Variants in VTI1A observed in about 807,000 individuals in gnomAD.
VTI1A encodes the protein vesicle transport through interaction with t-SNAREs 1A.
VTI1A carries 22 observed loss-of-function variants against 34.9 expected under a neutral mutation model. The ratio of observed to expected loss-of-function variants is 0.63; its 90% CI spans 0.45 to 0.90. VTI1A has a LOEUF of 0.90. VTI1A is among the 40% of genes least tolerant of loss of function. VTI1A has a pLI of 0.00. For missense variants in VTI1A, 268 were observed against 275.6 expected, an observed-to-expected ratio of 0.97 and a Z score of 0.20; for synonymous variants, 87 against 97.3, an observed-to-expected ratio of 0.89 and a Z score of 0.62.
chr10:112,561,322 T>G (rs1167917701), intron 5 of VTI1A, among the ~76,000 whole-genome samples: 1 of 152,184 alleles, frequency 6.6e-6, no homozygotes, highest in Admixed American at 6.5e-5. Context: ...TTGGTAATTG[T>G]TTTTAGGCTA....
Position 112,818,394 on chromosome 10 carries a change from G to A in VTI1A, c.*3011G>A, listed in dbSNP as rs979675570. The A allele has an allele frequency of 4.3e-6, 1 of 232,216 alleles. No individual in the cohort carries two copies. The highest frequency in any genetic ancestry group is 8.5e-6 in the Non-Finnish European group (1 of 117,466). 14.4% of individuals were successfully genotyped at this position (232,216 alleles called of 1,614,324 possible). ...CAGAGATTATCAACCCATAGAAGAA[G>A]GGAGGGGAAAAAAAAGAAAGAAAGG... is the stretch of plus-strand genomic sequence containing the variant. On this transcript the variant is annotated 3_prime_UTR_variant, in exon 8 of 8. Transcript: ENST00000393077.
intron 3 of VTI1A, among the ~76,000 whole-genome samples, chr10:112,486,157 A>G (rs1407807031): frequency 6.6e-6 from 1 of 152,170 alleles, no homozygotes; most frequent in Admixed American, 6.5e-5. Context: ...TTAGAATGCC[A>G]TGTAGCACTG....
Position 112,572,557 on chromosome 10 carries a change from G to T in VTI1A, c.427+34227G>T, listed in dbSNP as rs369528165. 8.5e-5 allele frequency among the ~76,000 whole-genome samples: 13 copies of T among 152,258 alleles called. No individual in the cohort carries two copies. In the South Asian group the frequency reaches 2.7e-3, roughly 32 times the overall value. On this transcript the variant is annotated intron_variant, in intron 5 of 7. Transcript: ENST00000393077. ...TGTCAATAAAAAAATTGAAATGTTC[G>T]GTCAGGCATGGTGGCTCACGCCTGT...
intron 7 of VTI1A, among the ~76,000 whole-genome samples, chr10:112,814,103 C>A (rs1331142089): frequency 6.6e-6 from 1 of 152,166 alleles, no homozygotes; most frequent in African/African-American, 2.4e-5. Flanking sequence ...GAAATAAACT[C>A]ATCTAGGAAG....
chr10:112,458,753 A>G (rs549106218), intron 1 of VTI1A, among the ~76,000 whole-genome samples: 142 of 150,770 alleles, frequency 9.4e-4, no homozygotes, highest in Admixed American at 2.6e-3. Flanking sequence ...TGCAACCTCT[A>G]CCTCCCGGGT....
intron 3 of VTI1A, among the ~76,000 whole-genome samples, chr10:112,501,805 G>A (rs112276464): frequency 1.6e-4 from 25 of 152,086 alleles, no homozygotes; most frequent in African/African-American, 6.0e-4. Flanking sequence ...TTAAAATGTA[G>A]CTCTTTCTTA....
At chr10:112,641,702 A>G (rs897333229) in intron 5 of VTI1A, among the ~76,000 whole-genome samples, 6 of 152,096 alleles carry the variant, frequency 3.9e-5, no homozygotes, top group Non-Finnish European at 5.9e-5. Context: ...CCCATTCCCT[A>G]ATTATCCATT....
chr10:112,479,028 G>A (rs894316101), intron 3 of VTI1A, among the ~76,000 whole-genome samples: 17 of 152,116 alleles, frequency 1.1e-4, no homozygotes, highest in African/African-American at 3.1e-4. Context: ...TTAGCCAGGC[G>A]TGGTGGCACG....
intron 5 of VTI1A, among the ~76,000 whole-genome samples, chr10:112,555,171 T>G (rs1354187114): frequency 6.6e-6 from 1 of 152,164 alleles, no homozygotes; most frequent in Non-Finnish European, 1.5e-5. Flanking sequence ...AAAAAGAATT[T>G]TCTCTATATT....
the VTI1A span, among the ~76,000 whole-genome samples, chr10:112,849,037 C>A: frequency 1.3e-5 from 2 of 152,212 alleles, no homozygotes; most frequent in African/African-American, 4.8e-5. Flanking sequence ...AGGCCAGCTT[C>A]TGGACCCATG....
At chr10:112,583,245 C>T (rs1156251462) in intron 5 of VTI1A, among the ~76,000 whole-genome samples, 1 of 152,198 alleles carries the variant, frequency 6.6e-6, no homozygotes, top group Non-Finnish European at 1.5e-5. Flanking sequence ...CTCACCTAGA[C>T]ACCATATGTA....
the VTI1A span, among the ~76,000 whole-genome samples, chr10:112,850,441 A>T: frequency 6.6e-6 from 1 of 152,130 alleles, no homozygotes; most frequent in Non-Finnish European, 1.5e-5. Flanking sequence ...GGTAAAGAAG[A>T]GGGTGAGGGG....
intron 7 of VTI1A, among the ~76,000 whole-genome samples, chr10:112,696,094 T>TTATATATATA (rs140889088): frequency 0.025 from 3,581 of 145,070 alleles, 149 homozygotes; most frequent in East Asian, 0.2. Context: ...GAGAGAATGA[T>TTATATATATA]TATATATATA....
intron 7 of VTI1A, among the ~76,000 whole-genome samples, chr10:112,706,961 T>C (rs1406714529): frequency 1.3e-5 from 2 of 152,302 alleles, no homozygotes; most frequent in East Asian, 1.9e-4. Context: ...AATTTTTGTT[T>C]TTTAACACAA....
At chr10:112,759,761 C>T (rs926203273) in intron 7 of VTI1A, among the ~76,000 whole-genome samples, 2 of 152,140 alleles carry the variant, frequency 1.3e-5, no homozygotes, top group African/African-American at 4.8e-5. Context: ...CCTTCCCCAG[C>T]CCCCTTCCCA....
chr10:112,453,517 A>T (rs542483977), intron 1 of VTI1A, among the ~76,000 whole-genome samples: 1 of 152,174 alleles, frequency 6.6e-6, no homozygotes, highest in East Asian at 1.9e-4. Context: ...ATCAGTATGG[A>T]CTCATAGATA....
intron 5 of VTI1A, among the ~76,000 whole-genome samples, chr10:112,546,246 T>G (rs551310918): frequency 2.3e-4 from 35 of 151,932 alleles, no homozygotes; most frequent in African/African-American, 8.2e-4. Context: ...TACAAAAATT[T>G]GGCCAGGTAG....
the VTI1A span, among the ~76,000 whole-genome samples, chr10:112,836,179 T>A: frequency 6.6e-6 from 1 of 152,170 alleles, no homozygotes; most frequent in African/African-American, 2.4e-5. Context: ...TCAGATTAGT[T>A]TCGTCAATGA....
At chr10:112,640,991 T>G (rs1449191005) in intron 5 of VTI1A, among the ~76,000 whole-genome samples, 1 of 152,204 alleles carries the variant, frequency 6.6e-6, no homozygotes, top group Non-Finnish European at 1.5e-5. Flanking sequence ...ATATTCAGAT[T>G]GGCTGTTTTC....
Sources: allele counts gnomAD v4.1 joint callset (sites outside exome capture counted in the v4.1 genomes callset), GRCh38; gene constraint gnomAD v4.1.1; transcripts MANE v1.5; gene names NCBI Gene and HGNC (gene_info 2026-07-23, HGNC 2026-07-21).